The following CEMIP2 variants were observed in gnomAD, a reference collection of about 807,000 sequenced individuals.
CEMIP2 encodes the protein cell surface hyaluronidase CEMIP2.
CEMIP2 carries 79 observed loss-of-function variants against 146.9 expected under a neutral mutation model. The ratio of observed to expected loss-of-function variants is 0.54; its 90% CI spans 0.45 to 0.65. CEMIP2 has a LOEUF of 0.65. CEMIP2 is among the 30% of genes least tolerant of loss of function. The pLI is 0.00. For missense variants in CEMIP2, 1,596 were observed against 1,696.2 expected (o/e 0.94, Z 1.04); for synonymous variants, 601 against 606.3 (o/e 0.99, Z 0.13).
chr9:71,691,275 C>G (rs182921235), intron 21 of CEMIP2, among the ~76,000 whole-genome samples: 1 of 150,924 alleles, frequency 6.6e-6, no homozygotes, highest in African/African-American at 2.5e-5. Context: ...TAGAGATACA[C>G]CGGGCGTGGT....
intron 5 of CEMIP2, among the ~76,000 whole-genome samples, chr9:71,737,086 G>A (rs1013256549): frequency 1.3e-5 from 2 of 149,672 alleles, no homozygotes; most frequent in Admixed American, 1.3e-4. Context: ...AGCCCAGGAG[G>A]TCAAGGCTGC....
intron 20 of CEMIP2, 108 bp downstream of exon 20, chr9:71,697,877 A>G (rs1589129512): frequency 9.0e-7 from 1 of 1,111,188 alleles, no homozygotes; most frequent in East Asian, 2.5e-5. Context: ...ATGCCATGCA[A>G]TGTCCATAAA....
In CEMIP2 at chr9:71,715,049, C is replaced by A. The variant is rs927205025; in HGVS notation, c.2476G>T (p.Val826Leu). 3.1e-6 allele frequency: 5 copies of A among 1,613,826 alleles called. No homozygotes were observed. The highest frequency in any genetic ancestry group is 3.3e-5 in the Admixed American group (2 of 59,964). The change falls in exon 15 of 24, where the codon GTA becomes TTA. Residue 826 changes from valine to leucine, a missense_variant. By Grantham distance (32) the Val-to-Leu change is conservative. Coordinates refer to ENST00000377044, the MANE Select transcript of CEMIP2 (RefSeq NM_013390.3). Reference protein sequence around the residue: ...FPSDEGSSQEVSESLFVGESR... With the variant: ...FPSDEGSSQELSESLFVGESR... The stretch of plus-strand genomic sequence containing the variant: ...TCCCCAACAAAGAGAGATTCAGATA[C>A]CTCTTGGCTGGAACCTTCATCACTT...
chr9:71,694,260 C>T (rs1423818078), intron 21 of CEMIP2, among the ~76,000 whole-genome samples: 2 of 151,786 alleles, frequency 1.3e-5, no homozygotes, highest in African/African-American at 2.4e-5. Flanking sequence ...GTAGCTGGGA[C>T]TACAGGCACC....
chr9:71,768,067 A>G (rs1400723095), intron 1 of CEMIP2, among the ~76,000 whole-genome samples: 2 of 152,164 alleles, frequency 1.3e-5, no homozygotes. Flanking sequence ...GAGAGTGGAG[A>G]GAAAGAAATC....
chr9:71,744,974 C>A, intron 4 of CEMIP2, 44 bp downstream of exon 4: 7 of 1,567,142 alleles, frequency 4.5e-6, no homozygotes, highest in Non-Finnish European at 5.2e-6. Flanking sequence ...TCCTCTCACA[C>A]AGACACGGAC....
chr9:71,720,854 A>C (rs550061201), intron 12 of CEMIP2, among the ~76,000 whole-genome samples: 1 of 152,274 alleles, frequency 6.6e-6, no homozygotes, highest in African/African-American at 2.4e-5. Context: ...TTCCTTATCA[A>C]TATGTATGTA....
At chr9:71,758,796 A>T (rs990097277) in intron 1 of CEMIP2, among the ~76,000 whole-genome samples, 1 of 152,206 alleles carries the variant, frequency 6.6e-6, no homozygotes, top group African/African-American at 2.4e-5. Context: ...TATGTCAAAG[A>T]AATATATTTG....
At chr9:71,763,058 C>CT (rs1442592576) in intron 1 of CEMIP2, among the ~76,000 whole-genome samples, 4 of 145,696 alleles carry the variant, frequency 2.7e-5, no homozygotes, top group Admixed American at 2.0e-4. Flanking sequence ...CAAACCACAA[C>CT]TTAAAAAAAA....
chr9:71,714,817 G>A (rs898269900), intron 15 of CEMIP2, 117 bp downstream of exon 15: 2 of 1,015,034 alleles, frequency 2.0e-6, no homozygotes, highest in South Asian at 2.0e-5. Flanking sequence ...TGATAAAATA[G>A]GAAAAGAGTC....
chr9:71,748,987 TAG>T (rs774274743), intron 2 of CEMIP2, among the ~76,000 whole-genome samples: 23 of 152,352 alleles, frequency 1.5e-4, no homozygotes, highest in Non-Finnish European at 1.8e-4. Context: ...TCCAGGCTGT[TAG>T]AGTCTTCTCT....
intron 1 of CEMIP2, among the ~76,000 whole-genome samples, chr9:71,760,148 C>A (rs531935522): frequency 4.1e-4 from 63 of 151,942 alleles, no homozygotes; most frequent in African/African-American, 1.4e-3. Flanking sequence ...TACTAAAAAA[C>A]TATAGTTAGG....
At chr9:71,759,465 T>G (rs1824560785) in intron 1 of CEMIP2, among the ~76,000 whole-genome samples, 2 of 152,176 alleles carry the variant, frequency 1.3e-5, no homozygotes, top group African/African-American at 4.8e-5. Context: ...ATATTTAATG[T>G]GTAAGCATGG....
intron 1 of CEMIP2, among the ~76,000 whole-genome samples, chr9:71,757,777 G>T (rs914179772): frequency 2.0e-5 from 3 of 152,126 alleles, no homozygotes; most frequent in African/African-American, 7.2e-5. Flanking sequence ...GGGGAAGCAG[G>T]GTTAGGGCGT....
intron 14 of CEMIP2, 119 bp from the exon 15 acceptor site, chr9:71,715,208 A>C (rs1486851160): frequency 3.0e-6 from 3 of 1,003,096 alleles, no homozygotes. Context: ...TAGCTTTTCT[A>C]ATACACATTC....
chr9:71,690,254 T>C lies in CEMIP2; in HGVS notation c.3697-8A>G, dbSNP rs779720992. 1.9e-6 allele frequency: 3 copies of C among 1,612,424 alleles called. No individual in the cohort carries two copies. Among genetic ancestry groups the C allele is most frequent in the Non-Finnish European group, 1.7e-6 (2 of 1,179,062 alleles). ...AAAGTCAGTGCCATTGACCTGAGAATGCAAAAACATCTTCTGCTGTCATCA... is the reference window on the plus strand; with the variant it reads ...AAAGTCAGTGCCATTGACCTGAGAACGCAAAAACATCTTCTGCTGTCATCA... On this transcript the variant is annotated splice_polypyrimidine_tract_variant and splice_region_variant and intron_variant, in intron 21 of 23. Coordinates refer to ENST00000377044, the MANE Select transcript of CEMIP2 (RefSeq NM_013390.3).
chr9:71,768,031 C>T (rs76123891), intron 1 of CEMIP2, among the ~76,000 whole-genome samples: 6,140 of 152,262 alleles, frequency 0.04, 197 homozygotes, highest in Non-Finnish European at 0.061. Context: ...TCCATTGTTC[C>T]CTTCCCCGTA....
Position 71,750,268 on chromosome 9 carries a change from G to A in CEMIP2, c.106C>T (p.Arg36Cys), listed in dbSNP as rs771902134. The A allele has an allele frequency of 5.0e-6, 8 of 1,613,764 alleles. No individual in the cohort carries two copies. Among genetic ancestry groups the A allele is most frequent in the Admixed American group, 1.7e-5 (1 of 59,994 alleles). The change falls in exon 2 of 24, where the codon CGT becomes TGT. Residue 36 changes from arginine to cysteine, a missense_variant. Arg to Cys is a radical substitution (Grantham distance 180, BLOSUM62 -3). Transcript: ENST00000377044. ...TGACTCTTTGGAGGAGGAGGGGGAC[G>A]CAATGGGACAACCTTCCCTGGAACA... ...GYVPGKVVPL[R>C]PPPPPKSQAS... is the part of the protein sequence containing the mutation.
rs543931707 is a variant in CEMIP2 at position 71,745,177 on chromosome 9, T to C, written c.875A>G (p.Asn292Ser). The C allele has an allele frequency of 6.8e-6, 11 of 1,614,144 alleles. No homozygotes were observed. Among genetic ancestry groups the C allele is most frequent in the African/African-American group, 6.7e-5 (5 of 75,042 alleles). The change falls in exon 4 of 24, where the codon AAT becomes AGT. Residue 292 changes from asparagine (N) to serine (S), a missense_variant. Coordinates refer to ENST00000377044, the MANE Select transcript of CEMIP2 (RefSeq NM_013390.3). ...AAACTCCTGAAGCCGCCTGCTCTCA[T>C]TGCGGTATTCATGGGTATCAAATCT... is the stretch of plus-strand genomic sequence containing the variant. The part of the protein sequence containing the change: ...SERFDTHEYR[N>S]ESRRLQEFLR...
Sources: gnomAD v4.1 joint callset for allele counts (sites outside exome capture counted in the v4.1 genomes callset) on GRCh38, gnomAD v4.1.1 for gene constraint, MANE v1.5 for transcripts, NCBI Gene and HGNC (gene_info 2026-07-23, HGNC 2026-07-21) for gene names.